The following STXBP5L variants were observed in gnomAD, a reference collection of about 807,000 sequenced individuals.
The protein encoded by STXBP5L is syntaxin-binding protein 5-like.
Under a neutral mutation model 144.5 loss-of-function variants are expected in STXBP5L, and 65 were observed. The ratio of observed to expected loss-of-function variants is 0.45; its 90% CI spans 0.37 to 0.55. STXBP5L has a LOEUF of 0.55. Among genes scored for constraint, STXBP5L ranks in the 20% least tolerant of loss-of-function variants. The pLI is 0.00. For synonymous variants in STXBP5L, 505 were observed against 469.6 expected, an observed-to-expected ratio of 1.08 and a Z score of -0.97; for missense variants, 1,298 against 1,405.5, an observed-to-expected ratio of 0.92 and a Z score of 1.22.
At chr3:121,257,075 A>G (rs2050229858) in intron 16 of STXBP5L, 86 bp from the exon 17 acceptor site, 1 of 1,056,652 alleles carries the variant, frequency 9.5e-7, no homozygotes, top group South Asian at 1.9e-5. Flanking sequence ...AGGTATTTTA[A>G]TGTGATTATT....
At chr3:121,032,101 A>G (rs1322318912) in intron 3 of STXBP5L, among the ~76,000 whole-genome samples, 1 of 152,138 alleles carries the variant, frequency 6.6e-6, no homozygotes, top group Non-Finnish European at 1.5e-5. Context: ...AAGATTTTGG[A>G]ATCATAAACA....
chr3:121,093,466 T>G (rs1206980030), intron 5 of STXBP5L, among the ~76,000 whole-genome samples: 2 of 152,360 alleles, frequency 1.3e-5, no homozygotes, highest in African/African-American at 4.8e-5. Context: ...TATTGGTCTA[T>G]TCAGAGATTC....
intron 7 of STXBP5L, among the ~76,000 whole-genome samples, chr3:121,146,056 C>T (rs1370133266): frequency 6.6e-6 from 1 of 151,994 alleles, no homozygotes; most frequent in East Asian, 1.9e-4. Context: ...TTTCCCAGGC[C>T]TCTCCCACTT....
At chr3:121,059,406 T>A (rs529837372) in intron 5 of STXBP5L, among the ~76,000 whole-genome samples, 26 of 152,332 alleles carry the variant, frequency 1.7e-4, no homozygotes, top group Non-Finnish European at 3.5e-4. Context: ...TCAGGTAGCA[T>A]GGTGCCTCCA....
intron 3 of STXBP5L, among the ~76,000 whole-genome samples, chr3:121,018,909 C>G (rs1276310246): frequency 6.6e-6 from 1 of 152,152 alleles, no homozygotes; most frequent in Non-Finnish European, 1.5e-5. Flanking sequence ...GCTGCAGGCT[C>G]TATGGGACAG....
chr3:121,147,006 T>C (rs1223348202), intron 7 of STXBP5L, among the ~76,000 whole-genome samples: 2 of 152,044 alleles, frequency 1.3e-5, no homozygotes, highest in Non-Finnish European at 2.9e-5. Context: ...ACAATTGTAG[T>C]TGGAGATTTT....
intron 9 of STXBP5L, among the ~76,000 whole-genome samples, chr3:121,164,473 G>A (rs1026296790): frequency 2.0e-5 from 3 of 152,124 alleles, no homozygotes; most frequent in Non-Finnish European, 2.9e-5. Flanking sequence ...AAAACTAATA[G>A]GGTATGGAGG....
At chr3:121,091,859 G>A (rs1238940552) in intron 5 of STXBP5L, among the ~76,000 whole-genome samples, 1 of 152,136 alleles carries the variant, frequency 6.6e-6, no homozygotes, top group Non-Finnish European at 1.5e-5. Flanking sequence ...CCATGCCTAT[G>A]TCCTGAATGG....
chr3:121,003,118 G>A (rs1435718689), intron 3 of STXBP5L, among the ~76,000 whole-genome samples: 3 of 152,120 alleles, frequency 2.0e-5, no homozygotes, highest in East Asian at 1.9e-4. Context: ...CTAGATCCCC[G>A]AGGAATTGCC....
In STXBP5L at chr3:120,911,702, A is replaced by G. The variant is rs145963262; in HGVS notation, c.189+1935A>G. On this transcript the variant is annotated intron_variant, in intron 2 of 26. Transcript: ENST00000471454. ...AGCTTATGATTTCCAAATAAATTAT[A>G]AGATAGATAGCTATATAAGTTGTCC... is the stretch of plus-strand genomic sequence containing the variant. Among the ~76,000 whole-genome samples the G allele has an allele frequency of 3.1e-3, 466 of 152,200 alleles. 5 individuals carry two copies. The highest frequency in any genetic ancestry group is 0.011 in the African/African-American group (449 of 41,566).
At chr3:121,048,935 G>T (rs985725692) in intron 5 of STXBP5L, among the ~76,000 whole-genome samples, 1 of 152,110 alleles carries the variant, frequency 6.6e-6, no homozygotes, top group Non-Finnish European at 1.5e-5. Flanking sequence ...CTAGAGGTTT[G>T]TATCGGTCCC....
At chr3:121,398,484 G>T (rs533622683) in intron 22 of STXBP5L, among the ~76,000 whole-genome samples, 1 of 152,332 alleles carries the variant, frequency 6.6e-6, no homozygotes, top group South Asian at 2.1e-4. Flanking sequence ...CCCAAAATCG[G>T]GTTCCCATCT....
intron 5 of STXBP5L, among the ~76,000 whole-genome samples, chr3:121,114,676 T>C (rs2044153917): frequency 6.6e-6 from 1 of 152,064 alleles, no homozygotes; most frequent in Non-Finnish European, 1.5e-5. Flanking sequence ...GTCTTGCTGT[T>C]TTCAGAATTA....
At chr3:121,093,657 C>G (rs543645940) in intron 5 of STXBP5L, among the ~76,000 whole-genome samples, 1 of 152,180 alleles carries the variant, frequency 6.6e-6, no homozygotes, top group South Asian at 2.1e-4. Flanking sequence ...TTTGATTCTT[C>G]TCTCTTTTTT....
intron 5 of STXBP5L, among the ~76,000 whole-genome samples, chr3:121,106,519 G>C (rs1445259844): frequency 6.6e-6 from 1 of 152,156 alleles, no homozygotes; most frequent in Non-Finnish European, 1.5e-5. Flanking sequence ...TCCTGTGTTA[G>C]TTTGCTGAGG....
intron 19 of STXBP5L, among the ~76,000 whole-genome samples, chr3:121,296,985 A>C (rs2051678092): frequency 6.6e-6 from 1 of 152,220 alleles, no homozygotes; most frequent in African/African-American, 2.4e-5. Flanking sequence ...AATTAAAACT[A>C]TCTGAAACAG....
At chr3:120,936,798 C>T (rs1333619581) in intron 2 of STXBP5L, among the ~76,000 whole-genome samples, 5 of 152,012 alleles carry the variant, frequency 3.3e-5, no homozygotes, top group Non-Finnish European at 7.4e-5. Context: ...TTTTAGGCCT[C>T]CCAAAGTGCT....
At chr3:121,267,354 C>T (rs1263207741) in intron 18 of STXBP5L, among the ~76,000 whole-genome samples, 1 of 152,114 alleles carries the variant, frequency 6.6e-6, no homozygotes, top group Non-Finnish European at 1.5e-5. Context: ...ATCTGGCTAG[C>T]CATATGCAGA....
At chr3:121,072,364 T>C (rs770134271) in intron 5 of STXBP5L, among the ~76,000 whole-genome samples, 2 of 152,214 alleles carry the variant, frequency 1.3e-5, no homozygotes, top group Admixed American at 6.5e-5. Context: ...TGGATTGTTT[T>C]GGGCACAAGC....
Sources: allele counts gnomAD v4.1 joint callset (sites outside exome capture counted in the v4.1 genomes callset), GRCh38; gene constraint gnomAD v4.1.1; transcripts MANE v1.5; gene names NCBI Gene and HGNC (gene_info 2026-07-23, HGNC 2026-07-21).